RBFOX1: variants seen among roughly 807,000 people sequenced by gnomAD.
RBFOX1 encodes the protein RNA binding protein fox-1 homolog 1.
RBFOX1 carries 8 observed loss-of-function variants against 57.7 expected under a neutral mutation model. The observed-to-expected ratio is 0.14, with a 90% CI of 0.08 to 0.25. The LOEUF (loss-of-function observed/expected upper bound fraction) is 0.25, where lower values mean the gene tolerates loss of function less well. Among genes scored for constraint, RBFOX1 ranks in the 10% least tolerant of loss-of-function variants. The pLI is 1.00. For synonymous variants in RBFOX1, 326 were observed against 222.4 expected, an observed-to-expected ratio of 1.47 and a Z score of -4.15; for missense variants, 611 against 548.5, an observed-to-expected ratio of 1.11 and a Z score of -1.14.
chr16:5,983,315 A>G (rs2060211239), intron 4 of RBFOX1, among the ~76,000 whole-genome samples: 1 of 152,174 alleles, frequency 6.6e-6, no homozygotes, highest in Non-Finnish European at 1.5e-5. Context: ...GTGGGTGGGG[A>G]GGAGAAAATA....
intron 3 of RBFOX1, among the ~76,000 whole-genome samples, chr16:6,929,919 A>G (rs1299026350): frequency 6.6e-6 from 1 of 152,204 alleles, no homozygotes; most frequent in African/African-American, 2.4e-5. Context: ...GTGGAAGGAA[A>G]ACATCCACTA....
At chr16:5,990,282 G>C (rs1382691078) in intron 4 of RBFOX1, among the ~76,000 whole-genome samples, 9 of 152,086 alleles carry the variant, frequency 5.9e-5, no homozygotes, top group Admixed American at 5.9e-4. Flanking sequence ...TGAGCCCACT[G>C]TACCCAGCCC....
intron 4 of RBFOX1, among the ~76,000 whole-genome samples, chr16:7,435,773 A>C (rs1357397472): frequency 1.3e-5 from 2 of 152,192 alleles, no homozygotes; most frequent in Non-Finnish European, 2.9e-5. Flanking sequence ...TCATCCAGGC[A>C]AACATCACAG....
chr16:6,475,840 T>A (rs2095263713), intron 2 of RBFOX1, among the ~76,000 whole-genome samples: 1 of 152,196 alleles, frequency 6.6e-6, no homozygotes, highest in Admixed American at 6.5e-5. Flanking sequence ...AATAGGTCAT[T>A]ACCATAACTT....
At chr16:5,958,388 C>T (rs572397607) in intron 4 of RBFOX1, among the ~76,000 whole-genome samples, 2 of 152,260 alleles carry the variant, frequency 1.3e-5, no homozygotes, top group Admixed American at 6.5e-5. Context: ...CTTGCCTGCT[C>T]CCTCAAAGCC....
intron 3 of RBFOX1, among the ~76,000 whole-genome samples, chr16:6,746,946 G>C (rs149718024): frequency 1.3e-5 from 2 of 151,896 alleles, no homozygotes; most frequent in African/African-American, 2.4e-5. Context: ...GTCTCACTTG[G>C]GCTCAAACTA....
chr16:6,696,750 G>C (rs1438387620), intron 3 of RBFOX1, among the ~76,000 whole-genome samples: 1 of 151,932 alleles, frequency 6.6e-6, no homozygotes, highest in Non-Finnish European at 1.5e-5. Flanking sequence ...CTTTCGAAAT[G>C]CAGTTTGCTG....
At chr16:6,652,741 G>T (rs1381863323) in intron 2 of RBFOX1, among the ~76,000 whole-genome samples, 3 of 152,090 alleles carry the variant, frequency 2.0e-5, no homozygotes, top group East Asian at 3.9e-4. Context: ...AAAGCAGAAG[G>T]TGGTTTTCAG....
At chr16:5,886,192 C>T (rs144924887) in intron 4 of RBFOX1, among the ~76,000 whole-genome samples, 1 of 152,162 alleles carries the variant, frequency 6.6e-6, no homozygotes, top group Admixed American at 6.5e-5. Flanking sequence ...CATAAATTCC[C>T]CAGTTTCAGG....
intron 1 of RBFOX1, among the ~76,000 whole-genome samples, chr16:6,075,595 A>G (rs190753507): frequency 2.5e-4 from 38 of 152,360 alleles, no homozygotes; most frequent in African/African-American, 8.7e-4. Context: ...TTCTTGTTAC[A>G]CATACACACA....
intron 3 of RBFOX1, among the ~76,000 whole-genome samples, chr16:6,906,264 A>T (rs1003202364): frequency 1.3e-5 from 2 of 150,568 alleles, no homozygotes; most frequent in Admixed American, 6.6e-5. Flanking sequence ...ATACATTGTC[A>T]TGTGGAGCGG....
At chr16:6,546,814 C>G (rs774778066) in intron 2 of RBFOX1, among the ~76,000 whole-genome samples, 1 of 152,300 alleles carries the variant, frequency 6.6e-6, no homozygotes, top group South Asian at 2.1e-4. Flanking sequence ...GTCATAGGCT[C>G]CATAATAGGA....
intron 7 of RBFOX1, among the ~76,000 whole-genome samples, chr16:7,593,576 A>G (rs563472114): frequency 5.9e-5 from 9 of 152,160 alleles, no homozygotes; most frequent in Non-Finnish European, 1.0e-4. Context: ...ATTTGGTTCA[A>G]TCCCCTAAAG....
rs567393271 is a variant in RBFOX1, at chr16:6,773,306, G to C, written c.-16+118656G>C. ...GTATGTGTGGGTGTGGGGTGCATTT[G>C]TGTGTTTGGGTATGGGGTGCATTTC... On this transcript the variant is annotated intron_variant, in intron 3 of 15. Transcript: ENST00000550418. Among the ~76,000 whole-genome samples the C allele has an allele frequency of 7.8e-4, 113 of 145,148 alleles. 1 individual carries two copies. The highest frequency in any genetic ancestry group is 2.8e-3 in the African/African-American group (106 of 38,476).
At chr16:7,241,535 T>C (rs997745128) in intron 4 of RBFOX1, among the ~76,000 whole-genome samples, 4 of 152,210 alleles carry the variant, frequency 2.6e-5, no homozygotes, top group Non-Finnish European at 5.9e-5. Context: ...GCAAACACTT[T>C]TATGGCAGGA....
At chr16:6,107,521 T>G (rs2096395654) in intron 1 of RBFOX1, among the ~76,000 whole-genome samples, 2 of 152,130 alleles carry the variant, frequency 1.3e-5, no homozygotes, top group South Asian at 4.1e-4. Flanking sequence ...ATGTATTAAT[T>G]AAAATGAAGT....
chr16:6,660,203 A>C (rs1276529029), intron 3 of RBFOX1, among the ~76,000 whole-genome samples: 1 of 151,470 alleles, frequency 6.6e-6, no homozygotes, highest in Non-Finnish European at 1.5e-5. Flanking sequence ...CAGCCTGGGC[A>C]ATAAGAGTGA....
At chr16:5,749,493 T>G (rs959716934) in intron 3 of RBFOX1, among the ~76,000 whole-genome samples, 3 of 152,226 alleles carry the variant, frequency 2.0e-5, no homozygotes, top group Non-Finnish European at 4.4e-5. Context: ...CCTGTCACTT[T>G]CAGGTACACC....
chr16:7,286,368 C>G (rs1431595306), intron 4 of RBFOX1, among the ~76,000 whole-genome samples: 5 of 151,476 alleles, frequency 3.3e-5, no homozygotes, highest in Non-Finnish European at 7.4e-5. Flanking sequence ...CACTTTATTT[C>G]TTTAAATAAA....
Sources: allele counts gnomAD v4.1 joint callset (sites outside exome capture counted in the v4.1 genomes callset), GRCh38; gene constraint gnomAD v4.1.1; transcripts MANE v1.5; gene names NCBI Gene and HGNC (gene_info 2026-07-23, HGNC 2026-07-21).